SLC25A12: variants seen among roughly 807,000 people sequenced by gnomAD.
The protein encoded by SLC25A12 is electrogenic aspartate/glutamate antiporter SLC25A12, mitochondrial.
SLC25A12 carries 32 observed loss-of-function variants against 83.3 expected under a neutral mutation model. The ratio of observed to expected loss-of-function variants is 0.38; its 90% CI spans 0.29 to 0.52. The LOEUF (loss-of-function observed/expected upper bound fraction) is 0.52, where lower values mean the gene tolerates loss of function less well. Among genes scored for constraint, SLC25A12 ranks in the 20% least tolerant of loss-of-function variants. SLC25A12 has a pLI of 0.84. For synonymous variants in SLC25A12, 267 were observed against 291.1 expected (o/e 0.92, Z 0.84); for missense variants, 611 against 835.6 (o/e 0.73, Z 3.31).
intron 8 of SLC25A12, among the ~76,000 whole-genome samples, chr2:171,833,700 TCC>T (rs1684496109): frequency 6.6e-6 from 1 of 151,946 alleles, no homozygotes; most frequent in African/African-American, 2.4e-5. Context: ...TTCTCTTCCC[TCC>T]CCTTTCCTTC....
intron 4 of SLC25A12, chr2:171,845,935 AAAG>A: frequency 2.6e-6 from 1 of 379,002 alleles, no homozygotes. Context: ...TTTAAAAAGC[AAAG>A]AATTAACCCA....
At chr2:171,877,485 C>T (rs529528604) in intron 2 of SLC25A12, among the ~76,000 whole-genome samples, 1 of 151,832 alleles carries the variant, frequency 6.6e-6, no homozygotes, top group South Asian at 2.1e-4. Flanking sequence ...GCCAACATAG[C>T]GAAACCCCAT....
rs533580093 is a variant in SLC25A12, at chr2:171,812,956, G to A, written c.1171+383C>T. On this transcript the variant is annotated intron_variant, in intron 11 of 17. Coordinates refer to ENST00000422440, the MANE Select transcript of SLC25A12 (RefSeq NM_003705.5). The stretch of plus-strand genomic sequence containing the variant: ...TGGTAACCTGGATTCTTTTTCACAG[G>A]AAAGAGATGTATTTCTCCTCTTTAA... Among the ~76,000 whole-genome samples, 612 of 152,116 alleles carry A rather than the reference G, an allele frequency of 4.0e-3. 4 individuals carry two copies. The highest frequency in any genetic ancestry group is 6.9e-3 in the Non-Finnish European group (467 of 67,976).
At chr2:171,827,950 C>G (rs992259306) in intron 8 of SLC25A12, among the ~76,000 whole-genome samples, 1 of 152,160 alleles carries the variant, frequency 6.6e-6, no homozygotes, top group African/African-American at 2.4e-5. Context: ...AGAGGGGAAC[C>G]CTTTCTGCTC....
intron 4 of SLC25A12, among the ~76,000 whole-genome samples, chr2:171,849,558 C>CTTTT (rs72304626): frequency 7.9e-5 from 9 of 114,556 alleles, no homozygotes; most frequent in East Asian, 2.4e-4. Context: ...GTGGTGTGAT[C>CTTTT]TTTTTTTTTT....
rs145770325 is a variant in SLC25A12 at position 171,875,175 on chromosome 2, C to T, written c.67-6352G>A. 1.7e-3 allele frequency among the ~76,000 whole-genome samples: 260 copies of T among 152,238 alleles called. 1 individual carries two copies. The highest frequency in any genetic ancestry group is 0.014 in the East Asian group (74 of 5,166). Reference sequence around the variant, plus strand: ...TTTCCGCAACCAATCAGACCAATTGCGGGCCACCACTTCATTTACATGAGG... The same window carrying T: ...TTTCCGCAACCAATCAGACCAATTGTGGGCCACCACTTCATTTACATGAGG... On this transcript the variant is annotated intron_variant, in intron 2 of 17. Transcript: ENST00000422440.
chr2:171,868,955 T>C, intron 2 of SLC25A12, 132 bp from the exon 3 acceptor site: 1 of 809,536 alleles, frequency 1.2e-6, no homozygotes, highest in Non-Finnish European at 2.0e-6. Flanking sequence ...GCAGAATTTT[T>C]CTCTGGATAC....
intron 4 of SLC25A12, among the ~76,000 whole-genome samples, chr2:171,849,365 A>G (rs946194295): frequency 2.0e-5 from 3 of 151,852 alleles, no homozygotes; most frequent in African/African-American, 7.3e-5. Context: ...AGCAAAAAAC[A>G]AAAAACTTCT....
chr2:171,874,643 A>G (rs1392879267), intron 2 of SLC25A12, among the ~76,000 whole-genome samples: 1 of 152,200 alleles, frequency 6.6e-6, no homozygotes, highest in East Asian at 1.9e-4. Context: ...TAAAAAACAC[A>G]AACACACAAT....
chr2:171,813,965 T>C (rs1037328978), intron 10 of SLC25A12, among the ~76,000 whole-genome samples: 3 of 152,224 alleles, frequency 2.0e-5, no homozygotes, highest in African/African-American at 7.2e-5. Context: ...AAATTAATCA[T>C]AGTTACAACC....
chr2:171,818,964 A>C (rs1285448144), intron 9 of SLC25A12, among the ~76,000 whole-genome samples: 1 of 151,308 alleles, frequency 6.6e-6, no homozygotes, highest in African/African-American at 2.4e-5. Context: ...AACAAAACAA[A>C]ATTTTTCTGT....
intron 17 of SLC25A12, among the ~76,000 whole-genome samples, chr2:171,786,468 G>A (rs1246707668): frequency 1.1e-4 from 16 of 151,362 alleles, no homozygotes; most frequent in African/African-American, 3.9e-4. Context: ...AAAGCCTGAA[G>A]CCTCACATTT....
At chr2:171,803,425 C>A (rs1288154101) in intron 13 of SLC25A12, among the ~76,000 whole-genome samples, 1 of 152,000 alleles carries the variant, frequency 6.6e-6, no homozygotes, top group East Asian at 1.9e-4. Flanking sequence ...CTAGAATATA[C>A]AAAGAACTCT....
At chr2:171,836,106 T>G (rs1684550862) in intron 6 of SLC25A12, among the ~76,000 whole-genome samples, 1 of 152,102 alleles carries the variant, frequency 6.6e-6, no homozygotes, top group Admixed American at 6.6e-5. Context: ...TCCCTTTCTT[T>G]CCTTCCTTCT....
chr2:171,858,631 T>C (rs1316251597), intron 3 of SLC25A12, among the ~76,000 whole-genome samples: 1 of 152,228 alleles, frequency 6.6e-6, no homozygotes, highest in Non-Finnish European at 1.5e-5. Flanking sequence ...TGTTTTTTAG[T>C]TGCATTAGTT....
At position 171,834,032 on chromosome 2, in the gene SLC25A12, C is replaced by T. The variant is rs772146061; in HGVS notation, c.776G>A (p.Arg259His). 1.8e-5 allele frequency: 29 copies of T among 1,608,352 alleles called. No individual in the cohort carries two copies. The highest frequency in any genetic ancestry group is 2.1e-5 in the Non-Finnish European group (25 of 1,175,290). ...TKEEFAQSAIRYGQVTPLEID... is the reference protein window; with the variant it reads ...TKEEFAQSAIHYGQVTPLEID... ...TTCTAGTGGTGTGACTTGTCCATAG[C>T]GTATGGCACTCTGGGCAAATTCCTC... is the stretch of plus-strand genomic sequence containing the variant. The change falls in exon 8 of 18, where the codon CGC becomes CAC. Residue 259 changes from arginine (R) to histidine (H), a missense_variant. Around this residue, in one of 3 missense-constraint regions of SLC25A12, gnomAD observed 540 missense variants for 777.5 expected, o/e 0.69. Transcript: ENST00000422440.
intron 2 of SLC25A12, among the ~76,000 whole-genome samples, chr2:171,875,782 G>A (rs548654352): frequency 1.2e-4 from 18 of 152,020 alleles, no homozygotes; most frequent in Admixed American, 2.6e-4. Context: ...GTGTGGTGGC[G>A]GGCGCCTGTA....
chr2:171,796,701 A>C (rs2105843294), intron 13 of SLC25A12, among the ~76,000 whole-genome samples: 1 of 152,252 alleles, frequency 6.6e-6, no homozygotes, highest in Non-Finnish European at 1.5e-5. Context: ...AGGCCTAGGA[A>C]CATAAGGCAA....
At chr2:171,823,683 A>G (rs751602805) in intron 9 of SLC25A12, among the ~76,000 whole-genome samples, 6 of 152,152 alleles carry the variant, frequency 3.9e-5, no homozygotes, top group Non-Finnish European at 8.8e-5. Context: ...AGCTGAGTGC[A>G]GTGGCTCACA....
Sources: gnomAD v4.1 joint callset for allele counts (sites outside exome capture counted in the v4.1 genomes callset) on GRCh38, gnomAD v4.1.1 for gene constraint, gnomAD v4.1.1 regional missense constraint, MANE v1.5 for transcripts, NCBI Gene and HGNC (gene_info 2026-07-23, HGNC 2026-07-21) for gene names.